Variants in NPAS3 observed in about 807,000 individuals in gnomAD.
The protein encoded by NPAS3 is neuronal PAS domain-containing protein 3.
Under a neutral mutation model 73.1 loss-of-function variants are expected in NPAS3, and 14 were observed. The observed-to-expected ratio is 0.19, with a 90% confidence interval of 0.13 to 0.30. The LOEUF (loss-of-function observed/expected upper bound fraction) is 0.30. Ranked by LOEUF, NPAS3 falls within the 10% of genes least tolerant of loss-of-function variation. The pLI is 1.00. For missense variants in NPAS3, 1,096 were observed against 1,250.0 expected (o/e 0.88, Z 1.86); for synonymous variants, 620 against 541.5 (o/e 1.14, Z -2.01).
chr14:33,080,908 A>T (rs777650666), intron 2 of NPAS3, among the ~76,000 whole-genome samples: 8 of 152,170 alleles, frequency 5.3e-5, no homozygotes, highest in Non-Finnish European at 1.2e-4. Flanking sequence ...TTTCTTTTTC[A>T]CTTGCTTTTG....
At chr14:33,783,209 A>G (rs983145309) in intron 9 of NPAS3, among the ~76,000 whole-genome samples, 1 of 152,234 alleles carries the variant, frequency 6.6e-6, no homozygotes, top group Non-Finnish European at 1.5e-5. Context: ...CACTGCACAC[A>G]GAAACGGAAG....
At chr14:33,276,438 C>G (rs558986240) in intron 3 of NPAS3, among the ~76,000 whole-genome samples, 18 of 152,152 alleles carry the variant, frequency 1.2e-4, no homozygotes, top group African/African-American at 4.1e-4. Context: ...TCTAGTCCTC[C>G]CATCTCCCTA....
intron 5 of NPAS3, among the ~76,000 whole-genome samples, chr14:33,669,436 AGGCATTCTCTAGGTTCTTCTTTTAACT>A (rs1223507316): frequency 6.6e-6 from 1 of 152,202 alleles, no homozygotes; most frequent in Non-Finnish European, 1.5e-5. Context: ...CTCAGTATTA[AGGCATTCTCTAGGTTCTTCTTTTAACT>A]GATGTCTCTT....
intron 3 of NPAS3, among the ~76,000 whole-genome samples, chr14:33,360,490 C>A (rs1279767068): frequency 6.6e-6 from 1 of 152,168 alleles, no homozygotes; most frequent in Non-Finnish European, 1.5e-5. Flanking sequence ...ATTCTCATTT[C>A]TTTCACTGTA....
intron 6 of NPAS3, among the ~76,000 whole-genome samples, chr14:33,679,366 A>G (rs2059868210): frequency 6.6e-6 from 1 of 152,234 alleles, no homozygotes; most frequent in Non-Finnish European, 1.5e-5. Flanking sequence ...ACTAATGCAG[A>G]TGATGGCTCC....
At chr14:33,640,051 CTACTAACA>C (rs553386179) in intron 5 of NPAS3, among the ~76,000 whole-genome samples, 28 of 152,268 alleles carry the variant, frequency 1.8e-4, no homozygotes, top group African/African-American at 6.7e-4. Context: ...AACCCCATCT[CTACTAACA>C]TACAAAAATT....
chr14:33,517,330 C>T (rs1241835199), intron 4 of NPAS3, among the ~76,000 whole-genome samples: 1 of 152,016 alleles, frequency 6.6e-6, no homozygotes, highest in East Asian at 1.9e-4. Flanking sequence ...CCCTATTCAC[C>T]AAAAAACTGT....
At chr14:33,659,608 G>C (rs1324008634) in intron 5 of NPAS3, among the ~76,000 whole-genome samples, 2 of 152,130 alleles carry the variant, frequency 1.3e-5, no homozygotes, top group African/African-American at 2.4e-5. Flanking sequence ...ACTAGAACAA[G>C]AGACTTAATA....
chr14:33,070,784 G>A (rs530258427), intron 2 of NPAS3, among the ~76,000 whole-genome samples: 1 of 152,306 alleles, frequency 6.6e-6, no homozygotes, highest in East Asian at 1.9e-4. Flanking sequence ...TGACTGTTTA[G>A]CACAATATTC....
intron 7 of NPAS3, among the ~76,000 whole-genome samples, chr14:33,745,185 G>A (rs570694101): frequency 2.0e-5 from 3 of 152,296 alleles, no homozygotes; most frequent in African/African-American, 7.2e-5. Context: ...GGAGTTCGAG[G>A]CTGCAGTGAG....
At chr14:33,028,843 A>G (rs998114116) in intron 1 of NPAS3, among the ~76,000 whole-genome samples, 2 of 152,164 alleles carry the variant, frequency 1.3e-5, no homozygotes, top group African/African-American at 4.8e-5. Flanking sequence ...GTTTCATTTA[A>G]GTTCCAGTAT....
chr14:33,133,847 A>G (rs1372143127), intron 2 of NPAS3, among the ~76,000 whole-genome samples: 1 of 152,196 alleles, frequency 6.6e-6, no homozygotes, highest in Non-Finnish European at 1.5e-5. Flanking sequence ...CGGGCATTCC[A>G]GATGATTCTA....
intron 3 of NPAS3, among the ~76,000 whole-genome samples, chr14:33,308,527 T>TATATATATATATATATATAG: frequency 9.6e-6 from 1 of 103,724 alleles, no homozygotes; most frequent in African/African-American, 4.6e-5. Context: ...TATATATATA[T>TATATATATATATATATATAG]ACATACACAC....
At chr14:33,493,941 A>G (rs1248914543) in intron 4 of NPAS3, among the ~76,000 whole-genome samples, 2 of 152,124 alleles carry the variant, frequency 1.3e-5, no homozygotes, top group Non-Finnish European at 2.9e-5. Context: ...TGGGTTTTTG[A>G]GGACTGAAAG....
At chr14:32,975,068 A>G (rs1039240919) in intron 1 of NPAS3, among the ~76,000 whole-genome samples, 4 of 152,188 alleles carry the variant, frequency 2.6e-5, no homozygotes, top group East Asian at 1.9e-4. Flanking sequence ...TTTACAGAGT[A>G]CCATACTAGT....
intron 4 of NPAS3, among the ~76,000 whole-genome samples, chr14:33,414,867 A>G (rs1024935600): frequency 8.5e-5 from 13 of 152,048 alleles, no homozygotes; most frequent in Non-Finnish European, 5.9e-5. Flanking sequence ...GGTAGTGCAG[A>G]ATTGCATTTA....
intron 6 of NPAS3, chr14:33,681,162 T>C (rs549833973): frequency 2.6e-5 from 4 of 152,482 alleles, no homozygotes; most frequent in Admixed American, 6.5e-5. Flanking sequence ...AACAAATGTC[T>C]AGGAATAACC....
At chr14:33,015,390 A>ATT (rs2039353647) in intron 1 of NPAS3, among the ~76,000 whole-genome samples, 1 of 152,230 alleles carries the variant, frequency 6.6e-6, no homozygotes, top group Non-Finnish European at 1.5e-5. Context: ...TGACTAACAA[A>ATT]AAGGAAGGGT....
intron 5 of NPAS3, among the ~76,000 whole-genome samples, chr14:33,670,102 T>C (rs917491437): frequency 2.0e-5 from 3 of 152,108 alleles, no homozygotes; most frequent in African/African-American, 7.2e-5. Flanking sequence ...CCCGGAGTGA[T>C]AGAAAAATGT....
Sources: allele counts gnomAD v4.1 joint callset (sites outside exome capture counted in the v4.1 genomes callset), GRCh38; gene constraint gnomAD v4.1.1; transcripts MANE v1.5; gene names NCBI Gene and HGNC (gene_info 2026-07-23, HGNC 2026-07-21).